The following INTS9 variants were observed in gnomAD, a reference collection of about 807,000 sequenced individuals.
The protein encoded by INTS9 is protein related to CPSF subunits of 74 kDa.
In INTS9, 55 loss-of-function variants were observed where a neutral mutation model predicts 79.7. The observed-to-expected ratio is 0.69, with a 90% CI of 0.56 to 0.86. The LOEUF is 0.86. Among genes scored for constraint, INTS9 ranks in the 40% least tolerant of loss-of-function variants. The pLI, the probability that INTS9 is intolerant of heterozygous loss-of-function variation, is 0.00. For missense variants in INTS9, 721 were observed against 831.5 expected, an observed-to-expected ratio of 0.87 and a Z score of 1.64; for synonymous variants, 319 against 325.2, an observed-to-expected ratio of 0.98 and a Z score of 0.20.
intron 1 of INTS9, among the ~76,000 whole-genome samples, chr8:28,878,641 TA>T (rs112921124): frequency 6.6e-5 from 9 of 136,678 alleles, no homozygotes; most frequent in East Asian, 2.1e-4. Context: ...TTTTTTTTTT[TA>T]AAAAAAAAAC....
chr8:28,858,842 CA>C (rs1808307292), intron 2 of INTS9, among the ~76,000 whole-genome samples: 2 of 152,202 alleles, frequency 1.3e-5, no homozygotes, highest in Non-Finnish European at 2.9e-5. Context: ...TTTGCTTCAA[CA>C]AGGTAGCCAC....
At chr8:28,883,741 GT>G (rs1312976728) in intron 1 of INTS9, among the ~76,000 whole-genome samples, 1 of 152,136 alleles carries the variant, frequency 6.6e-6, no homozygotes, top group Non-Finnish European at 1.5e-5. Context: ...AATCTGTTTT[GT>G]TCACTGCAAT....
intron 1 of INTS9, among the ~76,000 whole-genome samples, chr8:28,863,721 G>T (rs1336435094): frequency 6.6e-6 from 1 of 152,198 alleles, no homozygotes; most frequent in Non-Finnish European, 1.5e-5. Context: ...GGCAGAGGTT[G>T]CAGTGAGTTG....
In INTS9 at chr8:28,846,807, C is replaced by A. The variant is rs1325986428; in HGVS notation, c.201G>T (p.Glu67Asp). 6.2e-7 allele frequency: 1 copy of A among 1,612,152 alleles called. No individual in the cohort carries two copies. The highest frequency in any genetic ancestry group is 1.3e-5 in the African/African-American group (1 of 74,964). The change falls in exon 4 of 17, where the codon GAG (glutamate) becomes GAT (aspartate). Residue 67 changes from glutamate (E) to aspartate (D), a missense_variant and splice_region_variant. Coordinates refer to ENST00000521022, the MANE Select transcript of INTS9 (RefSeq NM_018250.4). The stretch of plus-strand genomic sequence containing the variant: ...ATACATGACCCGAGCACTCCTTTAG[C>A]TCCTAAAAGAAATGAAAAGGAAAAA... ...LKDGNAFLDK[E>D]LKECSGHVFV...
intron 9 of INTS9, 83 bp downstream of exon 9, chr8:28,796,461 C>T (rs1250184040): frequency 6.4e-6 from 5 of 775,858 alleles, no homozygotes; most frequent in Non-Finnish European, 1.1e-5. Context: ...CTCCTTCCCC[C>T]ATTATTGTAA....
At chr8:28,858,416 T>A (rs1305623975) in intron 2 of INTS9, among the ~76,000 whole-genome samples, 1 of 152,134 alleles carries the variant, frequency 6.6e-6, no homozygotes, top group Non-Finnish European at 1.5e-5. Flanking sequence ...AAGACAATAA[T>A]ATCAGGCCAT....
At chr8:28,781,747 A>G (rs940007740) in intron 11 of INTS9, among the ~76,000 whole-genome samples, 1 of 152,240 alleles carries the variant, frequency 6.6e-6, no homozygotes, top group Non-Finnish European at 1.5e-5. Flanking sequence ...TACAGATAGT[A>G]AAAGGCTCAG....
intron 1 of INTS9, chr8:28,862,012 C>T: frequency 1.1e-6 from 1 of 919,156 alleles, no homozygotes; most frequent in Non-Finnish European, 1.3e-6. Context: ...AAAGATCCCA[C>T]TCATGCTTCC....
chr8:28,855,372 CA>C (rs1167863159), intron 2 of INTS9, among the ~76,000 whole-genome samples: 1 of 152,180 alleles, frequency 6.6e-6, no homozygotes, highest in African/African-American at 2.4e-5. Context: ...AGGTTTTAAA[CA>C]AGTAAGATAA....
At chr8:28,809,045 G>A (rs1219147407) in intron 8 of INTS9, among the ~76,000 whole-genome samples, 1 of 151,924 alleles carries the variant, frequency 6.6e-6, no homozygotes, top group Non-Finnish European at 1.5e-5. Context: ...AACCTCCCAG[G>A]CTGAAGAAAT....
intron 4 of INTS9, among the ~76,000 whole-genome samples, chr8:28,842,974 T>C (rs913538137): frequency 3.3e-5 from 5 of 152,164 alleles, no homozygotes; most frequent in African/African-American, 1.2e-4. Context: ...TGATGGTGTG[T>C]TTATGGCATT....
At chr8:28,796,865 G>T in intron 8 of INTS9, 1 of 488,840 alleles carries the variant, frequency 2.0e-6, no homozygotes, top group Non-Finnish European at 3.7e-6. Flanking sequence ...AGCTTTATAA[G>T]GGATGAACAA....
At chr8:28,871,077 G>A (rs1044608438) in intron 1 of INTS9, among the ~76,000 whole-genome samples, 4 of 152,154 alleles carry the variant, frequency 2.6e-5, no homozygotes, top group African/African-American at 9.7e-5. Flanking sequence ...CTAAGTACTA[G>A]GGCTGAGAAA....
In INTS9 at chr8:28,833,311, C is replaced by T. The variant is rs551352464; in HGVS notation, c.488+1981G>A. 4.6e-5 allele frequency among the ~76,000 whole-genome samples: 7 copies of T among 152,080 alleles called. No individual in the cohort carries two copies. The South Asian group carries it at 8.3e-4, about 18-fold the overall frequency. On this transcript the variant is annotated intron_variant, in intron 6 of 16. Transcript: ENST00000521022. ...TGGACATGGGTAGGAGCATATGGAA[C>T]GTAAACTGCCTAAGAAATTATAAGA...
At chr8:28,770,763 C>T (rs1386113965) in intron 15 of INTS9, among the ~76,000 whole-genome samples, 1 of 152,240 alleles carries the variant, frequency 6.6e-6, no homozygotes, top group Non-Finnish European at 1.5e-5. Flanking sequence ...ACAGCCCTGC[C>T]TCGCGTGGCA....
intron 5 of INTS9, 80 bp from the exon 6 acceptor site, chr8:28,835,458 A>T: frequency 1.2e-6 from 1 of 814,120 alleles, no homozygotes; most frequent in Non-Finnish European, 1.9e-6. Context: ...TGGCCAGGAG[A>T]AATGACTTGC....
chr8:28,879,769 C>T (rs1242899522), intron 1 of INTS9, among the ~76,000 whole-genome samples: 1 of 152,078 alleles, frequency 6.6e-6, no homozygotes, highest in East Asian at 1.9e-4. Flanking sequence ...ACCACATGAA[C>T]GAACTTCAGA....
intron 1 of INTS9, among the ~76,000 whole-genome samples, chr8:28,860,251 G>A (rs542359318): frequency 6.6e-5 from 10 of 152,284 alleles, no homozygotes; most frequent in African/African-American, 1.9e-4. Context: ...ACACTGACCC[G>A]AAACATTTCT....
intron 6 of INTS9, among the ~76,000 whole-genome samples, chr8:28,814,332 A>ACG (rs1177244886): frequency 7.6e-6 from 1 of 132,388 alleles, no homozygotes; most frequent in African/African-American, 2.6e-5. Flanking sequence ...ACACACACAC[A>ACG]CACTCTCACA....
Sources: allele counts gnomAD v4.1 joint callset (sites outside exome capture counted in the v4.1 genomes callset), GRCh38; gene constraint gnomAD v4.1.1; transcripts MANE v1.5; gene names NCBI Gene and HGNC (gene_info 2026-07-23, HGNC 2026-07-21).